The following NRXN3 variants were observed in gnomAD, a reference collection of about 807,000 sequenced individuals.
NRXN3 encodes the protein neurexin 3.
NRXN3 carries 32 observed loss-of-function variants against 137.6 expected under a neutral mutation model. That is an observed-to-expected ratio of 0.23 (90% CI 0.18 to 0.31). The LOEUF is 0.31. Among genes scored for constraint, NRXN3 ranks in the 10% least tolerant of loss-of-function variants. The probability of loss-of-function intolerance (pLI) is 1.00; values close to 1 mark genes in which losing one functional copy is unlikely to be tolerated. For synonymous variants in NRXN3, 798 were observed against 784.5 expected, an observed-to-expected ratio of 1.02 and a Z score of -0.29; for missense variants, 1,574 against 2,062.5, an observed-to-expected ratio of 0.76 and a Z score of 4.59.
chr14:78,631,824 A>T (rs923258441), intron 4 of NRXN3, among the ~76,000 whole-genome samples: 2 of 152,072 alleles, frequency 1.3e-5, no homozygotes, highest in African/African-American at 2.4e-5. Context: ...TCAATGTATC[A>T]GGCTCATGCC....
chr14:78,581,531 C>T (rs375333789), intron 4 of NRXN3, among the ~76,000 whole-genome samples: 55 of 152,236 alleles, frequency 3.6e-4, no homozygotes, highest in African/African-American at 1.3e-3. Flanking sequence ...ATACTTATCA[C>T]ATTGGTGATT....
intron 15 of NRXN3, among the ~76,000 whole-genome samples, chr14:79,316,887 C>T (rs934424340): frequency 6.6e-6 from 1 of 152,068 alleles, no homozygotes. Flanking sequence ...AGGCTTACAA[C>T]AATACAAAGT....
At chr14:78,860,981 T>A (rs2099070730) in intron 10 of NRXN3, among the ~76,000 whole-genome samples, 1 of 152,166 alleles carries the variant, frequency 6.6e-6, no homozygotes, top group South Asian at 2.1e-4. Context: ...TGTACCTTGA[T>A]AATAACATCA....
At chr14:79,272,098 C>G (rs954217200) in intron 15 of NRXN3, among the ~76,000 whole-genome samples, 1 of 152,100 alleles carries the variant, frequency 6.6e-6, no homozygotes, top group African/African-American at 2.4e-5. Context: ...ATCAGTAGAT[C>G]AATTCCATTC....
At chr14:79,286,578 G>T (rs1291755834) in intron 15 of NRXN3, among the ~76,000 whole-genome samples, 1 of 148,002 alleles carries the variant, frequency 6.8e-6, no homozygotes, top group East Asian at 2.0e-4. Flanking sequence ...TATAAGTTCT[G>T]GTTGTTCTAA....
intron 4 of NRXN3, among the ~76,000 whole-genome samples, chr14:78,399,980 C>T (rs573257871): frequency 1.1e-3 from 161 of 152,330 alleles, no homozygotes; most frequent in African/African-American, 3.4e-3. Context: ...ATCTATACTA[C>T]ATTTACTATT....
At chr14:79,331,300 A>T (rs751529516) in intron 15 of NRXN3, among the ~76,000 whole-genome samples, 1 of 152,318 alleles carries the variant, frequency 6.6e-6, no homozygotes, top group South Asian at 2.1e-4. Context: ...AAGGTATAAA[A>T]GTTGCTTATA....
intron 3 of NRXN3, among the ~76,000 whole-genome samples, chr14:78,287,504 T>C (rs1366959067): frequency 6.6e-6 from 1 of 152,236 alleles, no homozygotes; most frequent in African/African-American, 2.4e-5. Context: ...AGAGGCCCAA[T>C]AGATTGTCAA....
Position 78,709,275 on chromosome 14 carries a change from A to G in NRXN3, c.1280A>G (p.Asp427Gly). Residue 427 changes from aspartate (D) to glycine (G), a missense_variant, in exon 7 of 21, where the codon GAC becomes GGC. Asp to Gly is a moderately conservative substitution (Grantham distance 94, BLOSUM62 -1). This residue lies in a region of NRXN3 where 718 missense variants were observed against 887.6 expected (regional missense o/e 0.81). Transcript: ENST00000335750. The stretch of plus-strand genomic sequence containing the variant: ...CTGTCTCGCCTGGCCCGGATTGCGG[A>G]CACCAAGATGAAAATCTATGGCGAA... The part of the protein sequence containing the change: ...LELSRLARIA[D>G]TKMKIYGEVV... 1 of 1,614,092 alleles carries G rather than the reference A, an allele frequency of 6.2e-7. No homozygotes were observed. Among genetic ancestry groups the G allele is most frequent in the Non-Finnish European group, 8.5e-7 (1 of 1,180,006 alleles).
intron 4 of NRXN3, among the ~76,000 whole-genome samples, chr14:78,642,801 G>A (rs1212449165): frequency 1.3e-5 from 2 of 152,216 alleles, no homozygotes; most frequent in Non-Finnish European, 2.9e-5. Context: ...CATTTGGGGA[G>A]TGGATAGAAC....
intron 20 of NRXN3, among the ~76,000 whole-genome samples, chr14:79,855,476 A>G (rs2099400555): frequency 6.6e-6 from 1 of 152,198 alleles, no homozygotes; most frequent in African/African-American, 2.4e-5. Flanking sequence ...AAAACTTAGA[A>G]CTTCCTAAAT....
At chr14:79,589,875 A>G (rs944779391) in intron 16 of NRXN3, among the ~76,000 whole-genome samples, 1 of 152,226 alleles carries the variant, frequency 6.6e-6, no homozygotes, top group Non-Finnish European at 1.5e-5. Context: ...TGTAATAAAA[A>G]TTAACTAAAA....
chr14:79,025,784 C>T (rs2099597041), intron 15 of NRXN3, among the ~76,000 whole-genome samples: 1 of 152,122 alleles, frequency 6.6e-6, no homozygotes, highest in Admixed American at 6.6e-5. Flanking sequence ...GTTGACTTAA[C>T]CAGTTAGAGG....
chr14:79,690,480 G>A (rs2098712484), intron 17 of NRXN3, among the ~76,000 whole-genome samples: 1 of 152,002 alleles, frequency 6.6e-6, no homozygotes, highest in African/African-American at 2.4e-5. Flanking sequence ...GTTCGAAACT[G>A]TTAATTGTTC....
At chr14:79,714,807 G>A (rs761782232) in intron 19 of NRXN3, among the ~76,000 whole-genome samples, 12 of 152,070 alleles carry the variant, frequency 7.9e-5, no homozygotes, top group Non-Finnish European at 1.2e-4. Context: ...GTTTGCCTCC[G>A]TCCTCTGTTG....
chr14:78,519,999 A>C (rs558181104), intron 4 of NRXN3, among the ~76,000 whole-genome samples: 19 of 152,176 alleles, frequency 1.2e-4, no homozygotes, highest in Non-Finnish European at 2.2e-4. Context: ...GGGATTCAAG[A>C]ATAGCAAGGC....
At chr14:78,530,087 A>G (rs925893171) in intron 4 of NRXN3, among the ~76,000 whole-genome samples, 7 of 152,252 alleles carry the variant, frequency 4.6e-5, no homozygotes, top group African/African-American at 9.6e-5. Flanking sequence ...CACATTTCAT[A>G]GCAAAATCAT....
At chr14:79,120,783 A>G (rs977785961) in intron 15 of NRXN3, among the ~76,000 whole-genome samples, 9 of 152,216 alleles carry the variant, frequency 5.9e-5, no homozygotes, top group Non-Finnish European at 4.4e-5. Context: ...AGGAAATAGC[A>G]CTATGTGTTG....
chr14:79,087,261 T>C (rs2048302557), intron 15 of NRXN3, among the ~76,000 whole-genome samples: 1 of 152,132 alleles, frequency 6.6e-6, no homozygotes, highest in East Asian at 1.9e-4. Flanking sequence ...TTCTCCTGTC[T>C]AGCCTGCTAC....
Sources: allele counts gnomAD v4.1 joint callset (sites outside exome capture counted in the v4.1 genomes callset), GRCh38; gene constraint gnomAD v4.1.1; regional missense constraint gnomAD v4.1.1; transcripts MANE v1.5; gene names NCBI Gene and HGNC (gene_info 2026-07-23, HGNC 2026-07-21).